UST: variants seen among roughly 807,000 people sequenced by gnomAD.
The protein encoded by UST is chondroitin sulfate 2-O-sulfotransferase.
Under a neutral mutation model 45.6 loss-of-function variants are expected in UST, and 21 were observed. The ratio of observed to expected loss-of-function variants is 0.46; its 90% CI spans 0.33 to 0.66. The LOEUF (loss-of-function observed/expected upper bound fraction) is 0.66, where lower values mean the gene tolerates loss of function less well. Ranked by LOEUF, UST falls within the 30% of genes least tolerant of loss-of-function variation. UST has a pLI of 0.02. For missense variants in UST, 463 were observed against 512.4 expected (o/e 0.90, Z 0.93); for synonymous variants, 215 against 200.6 (o/e 1.07, Z -0.61).
rs539952897 is a variant in UST at position 148,789,576 on chromosome 6, G to A, written c.247+41899G>A. ...GAAAATATGTATTTTTTGAGACAGAGTCTCACTCTGTCACCCAGGCTGGAG... is the reference window on the plus strand; with the variant it reads ...GAAAATATGTATTTTTTGAGACAGAATCTCACTCTGTCACCCAGGCTGGAG... On this transcript the variant is annotated intron_variant, in intron 1 of 7. Transcript: ENST00000367463. Among the ~76,000 whole-genome samples, 27 of 152,088 alleles carry A rather than the reference G, an allele frequency of 1.8e-4. 1 individual carries two copies. The South Asian group carries it at 4.4e-3, about 25-fold the overall frequency.
rs139195261 is a variant in UST, at chr6:148,790,380, A to G, written c.247+42703A>G. 6.6e-6 allele frequency among the ~76,000 whole-genome samples: 1 copy of G among 152,260 alleles called. No homozygotes were observed. Among genetic ancestry groups the G allele is most frequent in the East Asian group, 1.9e-4 (1 of 5,184 alleles). Reference sequence around the variant, plus strand: ...CCTTCACTATATTTGCTGTTTCTGGAATAGTAGAGACCACAAGGTTCTGAA... The same window carrying G: ...CCTTCACTATATTTGCTGTTTCTGGGATAGTAGAGACCACAAGGTTCTGAA... On this transcript the variant is annotated intron_variant, in intron 1 of 7. Transcript: ENST00000367463. This position sits in a 1 kb window ranked among gnomAD's most constrained non-coding sequence, Gnocchi z 4.2.
intron 2 of UST, among the ~76,000 whole-genome samples, chr6:148,906,500 T>C (rs1368384608): frequency 6.6e-6 from 1 of 152,230 alleles, no homozygotes; most frequent in Non-Finnish European, 1.5e-5. Flanking sequence ...AATTGATGTT[T>C]CTAAAGTTTC....
At chr6:148,857,078 A>C (rs898326497) in intron 1 of UST, among the ~76,000 whole-genome samples, 60 of 151,706 alleles carry the variant, frequency 4.0e-4, no homozygotes, top group African/African-American at 1.4e-3. Context: ...GTAGTATGTC[A>C]TCTTAGAATT....
intron 4 of UST, 32 bp from the exon 5 acceptor site, chr6:148,964,378 A>T: frequency 1.2e-6 from 2 of 1,612,014 alleles, no homozygotes; most frequent in Non-Finnish European, 1.7e-6. Flanking sequence ...TCCTGCAGTG[A>T]TGGGTTGTAA....
chr6:148,948,138 A>G (rs1194853631), intron 3 of UST, among the ~76,000 whole-genome samples: 2 of 152,152 alleles, frequency 1.3e-5, no homozygotes, highest in Admixed American at 1.3e-4. Context: ...CCTCCTGCTT[A>G]CAAGGGCTAC....
chr6:148,976,802 C>T (rs537774722), intron 5 of UST, among the ~76,000 whole-genome samples: 80 of 152,238 alleles, frequency 5.3e-4, no homozygotes, highest in Non-Finnish European at 1.1e-3. Context: ...TATTGTTTTC[C>T]TAGTTAGTAA....
chr6:149,013,275 C>T (rs777047877), intron 5 of UST, among the ~76,000 whole-genome samples: 7 of 152,082 alleles, frequency 4.6e-5, no homozygotes, highest in African/African-American at 9.7e-5. Flanking sequence ...TATTGTCAGG[C>T]GCAGTGGCTC....
rs537709817 is a variant in UST, at chr6:148,796,573, G to A, written c.247+48896G>A. On this transcript the variant is annotated intron_variant, in intron 1 of 7. Coordinates refer to ENST00000367463, the MANE Select transcript of UST (RefSeq NM_005715.3). The stretch of plus-strand genomic sequence containing the variant: ...TGGGAGGCGGAGGTTGCAGTGAGCC[G>A]AGATTGTGCCATTGCACTCCAGCCT... Among the ~76,000 whole-genome samples the A allele has an allele frequency of 1.0e-4, 13 of 129,488 alleles. No homozygotes were observed. In the South Asian group the frequency reaches 1.4e-3, roughly 14 times the overall value. 84.9% of individuals were successfully genotyped at this position (129,488 alleles called of 152,430 possible). A position where few individuals can be genotyped will look rare whatever the true frequency, so the allele number is the denominator to read the frequency against.
intron 2 of UST, among the ~76,000 whole-genome samples, chr6:148,939,653 T>C (rs1358724387): frequency 2.0e-5 from 3 of 152,122 alleles, no homozygotes; most frequent in Non-Finnish European, 4.4e-5. Flanking sequence ...GCTGTGACAA[T>C]TGGATATTTG....
chr6:148,933,144 T>G (rs1454563082), intron 2 of UST, among the ~76,000 whole-genome samples: 3 of 152,198 alleles, frequency 2.0e-5, no homozygotes, highest in African/African-American at 4.8e-5. Flanking sequence ...ATCAGGGGTT[T>G]CAAAATATTA....
intron 2 of UST, among the ~76,000 whole-genome samples, chr6:148,932,299 G>C (rs1476597589): frequency 1.3e-5 from 2 of 152,108 alleles, no homozygotes; most frequent in African/African-American, 4.8e-5. Flanking sequence ...AGAATCACTG[G>C]AGGCTGAGAA....
intron 2 of UST, among the ~76,000 whole-genome samples, chr6:148,922,480 ATCTT>A (rs1779729034): frequency 6.8e-6 from 1 of 147,168 alleles, no homozygotes; most frequent in African/African-American, 2.5e-5. Context: ...CATAGAGATG[ATCTT>A]TCTTTTTCTT....
chr6:148,974,653 C>T lies in UST; in HGVS notation c.681+10090C>T, dbSNP rs376897683. Among the ~76,000 whole-genome samples, 85 of 152,298 alleles carry T rather than the reference C, an allele frequency of 5.6e-4. 2 individuals carry two copies. In the South Asian group the frequency reaches 0.017, roughly 30 times the overall value. On this transcript the variant is annotated intron_variant, in intron 5 of 7. Transcript: ENST00000367463. ...CTGATCCTAAACCCATGCAGATATT[C>T]ACAGTTGAATGAAAGAATTTTAACC...
At chr6:148,764,251 G>T (rs1251028911) in intron 1 of UST, among the ~76,000 whole-genome samples, 2 of 151,846 alleles carry the variant, frequency 1.3e-5, no homozygotes, top group African/African-American at 4.8e-5. Context: ...ATTTTTTGTG[G>T]CTATTGTAAA....
At chr6:148,981,081 A>G (rs1781124398) in intron 5 of UST, among the ~76,000 whole-genome samples, 1 of 152,020 alleles carries the variant, frequency 6.6e-6, no homozygotes, top group Non-Finnish European at 1.5e-5. Context: ...TCAAATTCTC[A>G]TCTGCAGTCT....
At chr6:148,937,761 T>C (rs1369145180) in intron 2 of UST, among the ~76,000 whole-genome samples, 1 of 152,230 alleles carries the variant, frequency 6.6e-6, no homozygotes, top group Non-Finnish European at 1.5e-5. Flanking sequence ...TATTCCGTAA[T>C]GTGCTATGAG....
At chr6:148,833,838 G>A (rs1777736960) in intron 1 of UST, among the ~76,000 whole-genome samples, 1 of 152,116 alleles carries the variant, frequency 6.6e-6, no homozygotes, top group Admixed American at 6.5e-5. Context: ...TCATCAAAAA[G>A]GTTAAAGGGA....
chr6:148,968,569 C>A (rs1238581780), intron 5 of UST, among the ~76,000 whole-genome samples: 1 of 152,188 alleles, frequency 6.6e-6, no homozygotes, highest in East Asian at 1.9e-4. Context: ...TCATGTCCAG[C>A]CTCCTTTATT....
chr6:148,810,523 A>C (rs1223188136), intron 1 of UST, among the ~76,000 whole-genome samples: 1 of 152,218 alleles, frequency 6.6e-6, no homozygotes, highest in Non-Finnish European at 1.5e-5. Context: ...TAATTACTGC[A>C]TGGCTATTAT....
Sources: gnomAD v4.1 joint callset for allele counts (sites outside exome capture counted in the v4.1 genomes callset) on GRCh38, gnomAD v4.1.1 for gene constraint, Gnocchi (gnomAD v3.1) non-coding constraint, MANE v1.5 for transcripts, NCBI Gene and HGNC (gene_info 2026-07-23, HGNC 2026-07-21) for gene names.